Variants in SOS1 observed in about 807,000 individuals in gnomAD.
SOS1 encodes the protein son of sevenless homolog 1.
In SOS1, 25 loss-of-function variants were observed where a neutral mutation model predicts 157.6. The observed-to-expected ratio is 0.16, with a 90% CI of 0.12 to 0.22. The LOEUF (loss-of-function observed/expected upper bound fraction) is 0.22, where lower values mean the gene tolerates loss of function less well. Ranked by LOEUF, SOS1 falls within the 10% of genes least tolerant of loss-of-function variation. SOS1 has a pLI of 1.00. For missense variants in SOS1, 1,237 were observed against 1,599.1 expected, an observed-to-expected ratio of 0.77 and a Z score of 3.86; for synonymous variants, 528 against 534.0, an observed-to-expected ratio of 0.99 and a Z score of 0.16.
intron 1 of SOS1, among the ~76,000 whole-genome samples, chr2:39,117,114 C>T (rs929724695): frequency 3.3e-5 from 5 of 151,666 alleles, no homozygotes; most frequent in Admixed American, 3.3e-4. Flanking sequence ...CTGCAACCTC[C>T]GTCTTCCGGT....
intron 1 of SOS1, among the ~76,000 whole-genome samples, chr2:39,086,282 A>G (rs1261956661): frequency 3.3e-5 from 5 of 152,214 alleles, no homozygotes; most frequent in Non-Finnish European, 7.3e-5. Flanking sequence ...AGCAGACTAT[A>G]TACAAGTGAA....
rs572536942 is a variant in SOS1 at position 39,054,000 on chromosome 2, T to TCA, written c.720+612_720+613dup. Among the ~76,000 whole-genome samples, 95 of 151,970 alleles carry TCA rather than the reference T, an allele frequency of 6.3e-4. 1 individual carries two copies. Among genetic ancestry groups the TCA allele is most frequent in the African/African-American group, 2.1e-3 (88 of 41,446 alleles). On this transcript the variant is annotated intron_variant, in intron 5 of 22. Transcript: ENST00000402219. ...TGGAGTGCAGTGGCGCGATCTCGGC[T>TCA]CACTGCAAGCTCCGCCTCCCAGGTT...
chr2:39,047,129 C>T (rs773045839), intron 6 of SOS1, among the ~76,000 whole-genome samples: 1 of 152,154 alleles, frequency 6.6e-6, no homozygotes, highest in African/African-American at 2.4e-5. Flanking sequence ...TCAACCACTA[C>T]TCTAATAATC....
intron 17 of SOS1, among the ~76,000 whole-genome samples, chr2:38,998,344 G>A (rs1279420692): frequency 1.3e-5 from 2 of 152,102 alleles, no homozygotes; most frequent in African/African-American, 2.4e-5. Flanking sequence ...CCTCTTCCTG[G>A]GTTCAAGCGA....
intron 1 of SOS1, among the ~76,000 whole-genome samples, chr2:39,094,224 G>C (rs368431029): frequency 6.6e-6 from 1 of 151,674 alleles, no homozygotes; most frequent in African/African-American, 2.4e-5. Flanking sequence ...AAATGTTACT[G>C]TTGTTAAAAT....
chr2:39,002,590 C>G (rs1178090398), intron 17 of SOS1, among the ~76,000 whole-genome samples: 2 of 152,130 alleles, frequency 1.3e-5, no homozygotes, highest in Non-Finnish European at 1.5e-5. Flanking sequence ...TGACGTAGTC[C>G]TGGTACTTAG....
chr2:38,982,162 A>G lies in SOS1; in HGVS notation c.*3662T>C, dbSNP rs1558452290. On this transcript the variant is annotated 3_prime_UTR_variant, in exon 23 of 23. Coordinates refer to ENST00000402219, the MANE Select transcript of SOS1 (RefSeq NM_005633.4). ...GCAGCAATTGGCTACTTAATGCACT[A>G]TTTTCATTAAAGGCAAAAGGGAAAT... is the stretch of plus-strand genomic sequence containing the variant. 1 of 152,142 alleles carries G rather than the reference A, an allele frequency of 6.6e-6. No individual in the cohort carries two copies. Among genetic ancestry groups the G allele is most frequent in the Non-Finnish European group, 1.5e-5 (1 of 68,022 alleles). 9.4% of individuals were successfully genotyped at this position (152,142 alleles called of 1,614,324 possible).
intron 5 of SOS1, among the ~76,000 whole-genome samples, chr2:39,051,985 T>G (rs1671033502): frequency 6.6e-6 from 1 of 152,222 alleles, no homozygotes; most frequent in South Asian, 2.1e-4. Flanking sequence ...TATCAAATTC[T>G]AGAACATTTC....
chr2:39,111,894 T>A (rs1673450672), intron 1 of SOS1, among the ~76,000 whole-genome samples: 1 of 152,148 alleles, frequency 6.6e-6, no homozygotes, highest in Admixed American at 6.5e-5. Flanking sequence ...CACATCCAGA[T>A]AATTTTTGTA....
At position 39,010,420 on chromosome 2, in the gene SOS1, G is replaced by A. The variant is rs148895405; in HGVS notation, c.2510+164C>T. Reference sequence around the variant, plus strand: ...CTCTGGAGGCTGAGGTGGGAGGATCGCTTGAGCCTGGGAGGTGGAGGTTTC... The same window carrying A: ...CTCTGGAGGCTGAGGTGGGAGGATCACTTGAGCCTGGGAGGTGGAGGTTTC... On this transcript the variant is annotated intron_variant, in intron 15 of 22. Transcript: ENST00000402219. Among the ~76,000 whole-genome samples the A allele has an allele frequency of 5.5e-4, 84 of 151,852 alleles. No homozygotes were observed. Among genetic ancestry groups the A allele is most frequent in the Non-Finnish European group, 8.8e-4 (60 of 67,888 alleles).
At chr2:39,119,732 C>T (rs1040923579) in intron 1 of SOS1, among the ~76,000 whole-genome samples, 3 of 152,142 alleles carry the variant, frequency 2.0e-5, no homozygotes, top group Non-Finnish European at 4.4e-5. Context: ...AATGACAGCA[C>T]CAAGAATCTC....
chr2:39,058,898 T>C, intron 2 of SOS1, 94 bp from the exon 3 acceptor site: 1 of 988,754 alleles, frequency 1.0e-6, no homozygotes, highest in South Asian at 1.5e-5. Context: ...ATACCAAAAG[T>C]AGAGCTTTTC....
chr2:39,081,824 A>G (rs1215221185), intron 1 of SOS1, among the ~76,000 whole-genome samples: 1 of 152,238 alleles, frequency 6.6e-6, no homozygotes, highest in Admixed American at 6.5e-5. Flanking sequence ...TCAAAAAAAA[A>G]AAGAATGTTC....
chr2:39,026,265 G>A (rs1229750900), intron 8 of SOS1, among the ~76,000 whole-genome samples: 1 of 150,584 alleles, frequency 6.6e-6, no homozygotes, highest in East Asian at 2.0e-4. Flanking sequence ...TGAGGCAGAA[G>A]AATCGCCTGA....
At chr2:38,987,794 AG>A (rs1668599255) in intron 21 of SOS1, 1 of 536,900 alleles carries the variant, frequency 1.9e-6, no homozygotes, top group African/African-American at 1.9e-5. Flanking sequence ...CAGAATATTT[AG>A]AAAAAAGCTG....
intron 13 of SOS1, among the ~76,000 whole-genome samples, chr2:39,013,000 A>G (rs1669517950): frequency 6.6e-6 from 1 of 152,128 alleles, no homozygotes; most frequent in African/African-American, 2.4e-5. Context: ...TATGTTATTG[A>G]TAAGAAAACT....
rs1668446593 is a variant in SOS1, at chr2:38,983,013, T to TGCC, written c.*2808_*2810dup. The TGCC allele has an allele frequency of 6.6e-6, 1 of 152,164 alleles. No individual in the cohort carries two copies. Among genetic ancestry groups the TGCC allele is most frequent in the South Asian group, 2.1e-4 (1 of 4,834 alleles). 9.4% of individuals were successfully genotyped at this position (152,164 alleles called of 1,614,324 possible). A position where few individuals can be genotyped will look rare whatever the true frequency, so the allele number is the denominator to read the frequency against. The stretch of plus-strand genomic sequence containing the variant: ...TAGTAACCTACTAAACATAATTTGA[T>TGCC]GCCCAACAACCTTTAATTAAGCGAA... On this transcript the variant is annotated 3_prime_UTR_variant, in exon 23 of 23. Coordinates refer to ENST00000402219, the MANE Select transcript of SOS1 (RefSeq NM_005633.4).
At chr2:38,991,670 C>T (rs1668738527) in intron 20 of SOS1, among the ~76,000 whole-genome samples, 2 of 152,194 alleles carry the variant, frequency 1.3e-5, no homozygotes, top group African/African-American at 2.4e-5. Flanking sequence ...TTTGCCACAA[C>T]GCTTTCCATG....
intron 2 of SOS1, among the ~76,000 whole-genome samples, chr2:39,066,987 T>C (rs1212335967): frequency 6.6e-6 from 1 of 152,190 alleles, no homozygotes; most frequent in East Asian, 1.9e-4. Context: ...CTATCCTATA[T>C]GCAATACAGG....
Sources: allele counts gnomAD v4.1 joint callset (sites outside exome capture counted in the v4.1 genomes callset), GRCh38; gene constraint gnomAD v4.1.1; transcripts MANE v1.5; gene names NCBI Gene and HGNC (gene_info 2026-07-23, HGNC 2026-07-21).